FBXW8: variants seen among roughly 807,000 people sequenced by gnomAD.
The protein encoded by FBXW8 is F-box/WD repeat-containing protein 8.
In FBXW8, 57 loss-of-function variants were observed where a neutral mutation model predicts 65.3. That is an observed-to-expected ratio of 0.87 (90% CI 0.71 to 1.09). The LOEUF is 1.09. FBXW8 is among the 50% of genes least tolerant of loss of function. The pLI, the probability that FBXW8 is intolerant of heterozygous loss-of-function variation, is 0.00. For synonymous variants in FBXW8, 308 were observed against 330.2 expected, an observed-to-expected ratio of 0.93 and a Z score of 0.73; for missense variants, 777 against 814.8, an observed-to-expected ratio of 0.95 and a Z score of 0.57.
chr12:116,911,306 A>G lies in FBXW8; in HGVS notation c.269A>G (p.Glu90Gly). ...CGCTCACGTTCTCCTCTGGCCCGCG[A>G]GGGCGCCGGGGGCGGGGAGCAGCTG... ...ASRSRSPLAR[E>G]GAGGGEQLVD... The change falls in exon 1 of 11, where the codon GAG (glutamate) becomes GGG (glycine). Residue 90 changes from glutamate to glycine, a missense_variant. By Grantham distance (98) the Glu-to-Gly change is moderately conservative. Transcript: ENST00000652555. 7.8e-7 allele frequency: 1 copy of G among 1,275,614 alleles called. No individual in the cohort carries two copies. Among genetic ancestry groups the G allele is most frequent in the Non-Finnish European group, 9.9e-7 (1 of 1,014,376 alleles). 79.0% of individuals were successfully genotyped at this position (1,275,614 alleles called of 1,614,324 possible). A position where few individuals can be genotyped will look rare whatever the true frequency, so the allele number is the denominator to read the frequency against.
intron 1 of FBXW8, among the ~76,000 whole-genome samples, chr12:116,913,991 G>T (rs948191437): frequency 7.2e-5 from 11 of 152,262 alleles, no homozygotes; most frequent in South Asian, 6.2e-4. Flanking sequence ...GACTTTGTAG[G>T]CCAGGTGTGG....
At position 116,958,772 on chromosome 12, in the gene FBXW8, T is replaced by A. The variant is rs1248921508; in HGVS notation, c.678-5925T>A. Reference sequence around the variant, plus strand: ...ATGACTAGGACTTGGCCAGGTGGAGTTTTATATGGGGCAGAGATGCTGCCC... The same window carrying A: ...ATGACTAGGACTTGGCCAGGTGGAGATTTATATGGGGCAGAGATGCTGCCC... On this transcript the variant is annotated intron_variant, in intron 4 of 10. Transcript: ENST00000652555. 3.3e-5 allele frequency among the ~76,000 whole-genome samples: 5 copies of A among 151,762 alleles called. No individual in the cohort carries two copies. The East Asian group carries it at 9.7e-4, about 29-fold the overall frequency.
rs192322084 is a variant in FBXW8, at chr12:116,998,581, C to G, written c.1239+9712C>G. On this transcript the variant is annotated intron_variant, in intron 7 of 10. Coordinates refer to ENST00000652555, the MANE Select transcript of FBXW8 (RefSeq NM_153348.3). ...GCTAACTCCATTTATTTCACCTTCA[C>G]AGATGTGTATGGCTTTGGTTTGTTT... Among the ~76,000 whole-genome samples the G allele has an allele frequency of 1.8e-4, 28 of 152,336 alleles. No homozygotes were observed. In the East Asian group the frequency reaches 5.2e-3, roughly 28 times the overall value.
chr12:116,926,143 C>T (rs1273766755), intron 1 of FBXW8, among the ~76,000 whole-genome samples: 1 of 152,130 alleles, frequency 6.6e-6, no homozygotes. Flanking sequence ...TGTCCTTTGC[C>T]TCATCAGAAT....
intron 8 of FBXW8, among the ~76,000 whole-genome samples, chr12:117,023,287 T>C (rs1335046321): frequency 9.9e-5 from 15 of 152,230 alleles, no homozygotes; most frequent in African/African-American, 3.6e-4. Flanking sequence ...GTCCTGTTCC[T>C]TGCTAGATGC....
rs1295063680 is a variant in FBXW8, at chr12:116,964,700, T to C, written c.681T>C (p.Tyr227=). The change falls in exon 5 of 11, where the codon TAT becomes TAC. Residue 227 remains tyrosine (Y), a synonymous_variant. Transcript: ENST00000652555. ...HSHDGVVIAG[Y]TSGDVRVWDT... The stretch of plus-strand genomic sequence containing the variant: ...CAAGTGTGTCGTTCTCTTCCAGATA[T>C]ACATCAGGGGATGTGAGAGTGTGGG... 11 of 1,613,696 alleles carry C rather than the reference T, an allele frequency of 6.8e-6. No homozygotes were observed. The highest frequency in any genetic ancestry group is 2.7e-5 in the African/African-American group (2 of 75,028).
At chr12:116,975,707 C>T (rs1183411638) in intron 5 of FBXW8, among the ~76,000 whole-genome samples, 1 of 152,124 alleles carries the variant, frequency 6.6e-6, no homozygotes, top group Admixed American at 6.5e-5. Flanking sequence ...ATACATAATG[C>T]ACTGGGAAGG....
intron 5 of FBXW8, among the ~76,000 whole-genome samples, chr12:116,977,119 G>C (rs1267787286): frequency 6.6e-6 from 1 of 152,174 alleles, no homozygotes; most frequent in Non-Finnish European, 1.5e-5. Context: ...TGTGGTTTCT[G>C]TCTTCTCATT....
chr12:116,929,342 C>G (rs1881586135), intron 2 of FBXW8, among the ~76,000 whole-genome samples: 1 of 152,150 alleles, frequency 6.6e-6, no homozygotes, highest in South Asian at 2.1e-4. Context: ...TCAAGCTATT[C>G]TCTTGCCTCA....
chr12:116,986,829 C>T (rs989289754), intron 6 of FBXW8: 2 of 152,224 alleles, frequency 1.3e-5, no homozygotes, highest in African/African-American at 4.8e-5. Context: ...CACTGTCAAT[C>T]TGAGCCTCTT....
Position 116,985,337 on chromosome 12 carries a change from G to GT in FBXW8, c.968dup (p.Met324AspfsTer6). ...GGCCACAGCTTCTGCTTTTGATGTC[G>GT]TGATGTTATCCCCCAATGAGGAGGG... On this transcript the variant is annotated frameshift_variant, in exon 6 of 11. Coordinates refer to ENST00000652555, the MANE Select transcript of FBXW8 (RefSeq NM_153348.3). LOFTEE classifies it high-confidence loss of function. 1.2e-6 allele frequency: 2 copies of GT among 1,614,184 alleles called. No individual in the cohort carries two copies. The highest frequency in any genetic ancestry group is 1.7e-6 in the Non-Finnish European group (2 of 1,180,042).
At chr12:116,960,050 A>T (rs971536209) in intron 4 of FBXW8, among the ~76,000 whole-genome samples, 1 of 152,232 alleles carries the variant, frequency 6.6e-6, no homozygotes, top group African/African-American at 2.4e-5. Context: ...TCATAGTGGC[A>T]TCTTAATTGG....
At chr12:117,007,275 G>A (rs1953699233) in intron 7 of FBXW8, among the ~76,000 whole-genome samples, 1 of 151,796 alleles carries the variant, frequency 6.6e-6, no homozygotes, top group Non-Finnish European at 1.5e-5. Flanking sequence ...AAAAAAAACA[G>A]ATGAATAGAG....
At chr12:117,023,096 G>A (rs962534940) in intron 8 of FBXW8, among the ~76,000 whole-genome samples, 3 of 152,180 alleles carry the variant, frequency 2.0e-5, no homozygotes, top group Non-Finnish European at 4.4e-5. Flanking sequence ...CTTCACACTT[G>A]GTAGCTAAGC....
At chr12:117,004,134 C>T (rs868486044) in intron 7 of FBXW8, among the ~76,000 whole-genome samples, 3 of 152,194 alleles carry the variant, frequency 2.0e-5, no homozygotes, top group Non-Finnish European at 4.4e-5. Flanking sequence ...TTCCTCAACT[C>T]GGTATTCCAG....
At chr12:117,017,560 A>G (rs2393113) in intron 8 of FBXW8, among the ~76,000 whole-genome samples, 66,199 of 152,098 alleles carry the variant, frequency 0.44, 17,853 homozygotes, top group African/African-American at 0.77. Flanking sequence ...TGATTTTGGC[A>G]TATAAGGTTA....
In FBXW8 at chr12:117,024,180, C is replaced by T. The variant is rs771661251; in HGVS notation, c.1401C>T (p.Ile467=). ...TCCACGACCTCCGCAGTGGTAACAT[C>T]GCCCTGTCGCTCTCCGCCCATCAGC... ...VRIHDLRSGN[I]ALSLSAHQLR... is the part of the protein sequence containing the mutation. The change falls in exon 9 of 11, where the codon ATC becomes ATT. Residue 467 remains isoleucine, a synonymous_variant. Coordinates refer to ENST00000652555, the MANE Select transcript of FBXW8 (RefSeq NM_153348.3). The T allele has an allele frequency of 6.2e-6, 10 of 1,614,162 alleles. No homozygotes were observed. The highest frequency in any genetic ancestry group is 1.7e-4 in the Middle Eastern group (1 of 6,048).
intron 2 of FBXW8, among the ~76,000 whole-genome samples, chr12:116,938,662 A>C (rs1386534344): frequency 1.3e-5 from 2 of 152,118 alleles, no homozygotes; most frequent in Non-Finnish European, 2.9e-5. Context: ...CACAGTCCTC[A>C]TGAAAACTCA....
intron 5 of FBXW8, among the ~76,000 whole-genome samples, chr12:116,975,586 G>A (rs1338677443): frequency 2.6e-5 from 4 of 152,192 alleles, no homozygotes; most frequent in Non-Finnish European, 5.9e-5. Context: ...TTATCACTCC[G>A]TAAGAGAAAA....
Sources: gnomAD v4.1 joint callset for allele counts (sites outside exome capture counted in the v4.1 genomes callset) on GRCh38, gnomAD v4.1.1 for gene constraint, MANE v1.5 for transcripts, NCBI Gene and HGNC (gene_info 2026-07-23, HGNC 2026-07-21) for gene names.